EML4: variants seen among roughly 807,000 people sequenced by gnomAD.
EML4 encodes the protein echinoderm microtubule-associated protein-like 4.
In EML4, 72 loss-of-function variants were observed where a neutral mutation model predicts 129.0. That is an observed-to-expected ratio of 0.56 (90% CI 0.46 to 0.68). EML4 has a LOEUF of 0.68. Ranked by LOEUF, EML4 falls within the 30% of genes least tolerant of loss-of-function variation. The pLI is 0.00. For synonymous variants in EML4, 532 were observed against 405.0 expected (o/e 1.31, Z -3.77); for missense variants, 1,363 against 1,190.6 (o/e 1.14, Z -2.13).
chr2:42,244,948 A>T (rs763280583), intron 1 of EML4, among the ~76,000 whole-genome samples: 1 of 152,058 alleles, frequency 6.6e-6, no homozygotes, highest in Admixed American at 6.6e-5. Context: ...GGGAAATTTG[A>T]CCGTGGGGAC....
intron 2 of EML4, among the ~76,000 whole-genome samples, chr2:42,249,721 C>T (rs546513764): frequency 9.9e-5 from 15 of 152,102 alleles, no homozygotes; most frequent in Non-Finnish European, 2.2e-4. Flanking sequence ...CTGCAGTGTG[C>T]CAGCAGTATT....
In EML4 at chr2:42,303,416, A is replaced by G. The variant is rs772329550; in HGVS notation, c.1869A>G (p.Glu623=). The G allele has an allele frequency of 9.9e-6, 16 of 1,614,120 alleles. No individual in the cohort carries two copies. The highest frequency in any genetic ancestry group is 1.4e-5 in the Non-Finnish European group (16 of 1,180,014). Reference sequence around the variant, plus strand: ...AGGTGTGCCTGTGGAACTCAATGGAACACAGGCTGGAATGGACCAGGCTGG... The same window carrying G: ...AGGTGTGCCTGTGGAACTCAATGGAGCACAGGCTGGAATGGACCAGGCTGG... ...DRQVCLWNSM[E]HRLEWTRLVD... The change falls in exon 16 of 23, where the codon GAA becomes GAG. Residue 623 remains glutamate, a synonymous_variant. Coordinates refer to ENST00000318522, the MANE Select transcript of EML4 (RefSeq NM_019063.5).
chr2:42,204,486 C>G (rs1456516841), intron 1 of EML4, among the ~76,000 whole-genome samples: 2 of 152,116 alleles, frequency 1.3e-5, no homozygotes, highest in Non-Finnish European at 2.9e-5. Context: ...TGTAAAATAG[C>G]CATTGACAGT....
At chr2:42,245,708 A>G (rs1455317144) in intron 2 of EML4, 21 bp downstream of exon 2, 1 of 1,555,222 alleles carries the variant, frequency 6.4e-7, no homozygotes, top group Admixed American at 2.1e-5. Context: ...TGTAAAGTTA[A>G]AAAGAGTCTT....
intron 1 of EML4, among the ~76,000 whole-genome samples, chr2:42,202,328 G>T (rs1558497731): frequency 6.6e-6 from 1 of 152,070 alleles, no homozygotes; most frequent in African/African-American, 2.4e-5. Context: ...ATTGCTTGTG[G>T]CCAGTAGTTC....
chr2:42,304,712 T>A (rs1668495264), intron 17 of EML4, among the ~76,000 whole-genome samples, 161 bp downstream of exon 17: 1 of 152,264 alleles, frequency 6.6e-6, no homozygotes, highest in African/African-American at 2.4e-5. Flanking sequence ...CAATTATTTA[T>A]TGAGCACCTG....
At chr2:42,220,008 C>T (rs1225699144) in intron 1 of EML4, among the ~76,000 whole-genome samples, 1 of 151,332 alleles carries the variant, frequency 6.6e-6, no homozygotes, top group East Asian at 1.9e-4. Context: ...TAAGGGGTGG[C>T]AGTTTGGGTA....
chr2:42,175,375 A>G (rs1027930019), intron 1 of EML4, among the ~76,000 whole-genome samples: 1 of 147,050 alleles, frequency 6.8e-6, no homozygotes, highest in Non-Finnish European at 1.5e-5. Context: ...GGCCTTCCAA[A>G]GTGCTGGCAT....
rs559275864 is a variant in EML4, at chr2:42,214,725, C to T, written c.26-30780C>T. 5.3e-5 allele frequency among the ~76,000 whole-genome samples: 8 copies of T among 151,982 alleles called. No individual in the cohort carries two copies. In the East Asian group the frequency reaches 1.4e-3, roughly 26 times the overall value. ...CCTTTTGCATGTCTGGTGCGTTAGC[C>T]GGGATGGCTGGAAGGCTAGGCTTAG... is the stretch of plus-strand genomic sequence containing the variant. On this transcript the variant is annotated intron_variant, in intron 1 of 22. Coordinates refer to ENST00000318522, the MANE Select transcript of EML4 (RefSeq NM_019063.5).
At chr2:42,259,399 T>G (rs1227281091) in intron 3 of EML4, among the ~76,000 whole-genome samples, 1 of 152,158 alleles carries the variant, frequency 6.6e-6, no homozygotes, top group African/African-American at 2.4e-5. Context: ...TCCAGTCTGG[T>G]TAGGAATAGC....
intron 1 of EML4, among the ~76,000 whole-genome samples, chr2:42,232,509 A>G (rs374077794): frequency 7.0e-4 from 106 of 152,326 alleles, no homozygotes; most frequent in African/African-American, 1.1e-3. Flanking sequence ...TCACCAGTCA[A>G]TAGCAAGAAT....
intron 1 of EML4, among the ~76,000 whole-genome samples, chr2:42,242,988 G>A (rs1007657977): frequency 2.0e-5 from 3 of 151,980 alleles, no homozygotes; most frequent in Non-Finnish European, 4.4e-5. Context: ...ACGTTGCCCA[G>A]GCTGGTCTCG....
chr2:42,200,717 G>A (rs1010033141), intron 1 of EML4, among the ~76,000 whole-genome samples: 2 of 152,180 alleles, frequency 1.3e-5, no homozygotes, highest in Admixed American at 1.3e-4. Flanking sequence ...TTCATATCTA[G>A]AGGAATGTTT....
chr2:42,203,450 A>G (rs1672353231), intron 1 of EML4, among the ~76,000 whole-genome samples: 1 of 152,328 alleles, frequency 6.6e-6, no homozygotes, highest in African/African-American at 2.4e-5. Context: ...TAAGCAAAGT[A>G]TATTGACATA....
intron 2 of EML4, among the ~76,000 whole-genome samples, chr2:42,256,242 AT>A (rs1202146543): frequency 6.6e-6 from 1 of 152,186 alleles, no homozygotes; most frequent in East Asian, 1.9e-4. Context: ...AAAGCAAACC[AT>A]TTAGCTAAGA....
At chr2:42,272,034 C>T (rs913685827) in intron 6 of EML4, among the ~76,000 whole-genome samples, 5 of 139,484 alleles carry the variant, frequency 3.6e-5, no homozygotes, top group South Asian at 2.4e-4. Context: ...ACCCGGGAGG[C>T]GGAGTTTGCA....
In EML4 at chr2:42,263,316, G is replaced by A. The variant is rs73933519; in HGVS notation, c.641+10G>A. 1.3e-3 allele frequency: 2,092 copies of A among 1,587,192 alleles called. 37 individuals carry two copies. In the African/African-American group the frequency reaches 0.025, roughly 19 times the overall value. On this transcript the variant is annotated intron_variant, in intron 5 of 22. Transcript: ENST00000318522. ...CCAAAACTGCAGACAAGTAAGTATT[G>A]CACTTTCTTCATTATATCTGAAAAG...
chr2:42,296,457 A>G (rs556934259), intron 13 of EML4, among the ~76,000 whole-genome samples: 5 of 149,128 alleles, frequency 3.4e-5, no homozygotes, highest in Non-Finnish European at 7.5e-5. Flanking sequence ...CCCTAAACAC[A>G]CTGGAACAAC....
rs189467237 is a variant in EML4, at chr2:42,319,286, C to A, written c.2154+1762C>A. On this transcript the variant is annotated intron_variant, in intron 19 of 22. Coordinates refer to ENST00000318522, the MANE Select transcript of EML4 (RefSeq NM_019063.5). ...TGTCTTATTTTACTGTACAACTGAT[C>A]CAGAAGAGAGAGCAATGTGTGACAT... 1.5e-4 allele frequency among the ~76,000 whole-genome samples: 23 copies of A among 152,176 alleles called. No individual in the cohort carries two copies. In the East Asian group the frequency reaches 1.7e-3, roughly 11 times the overall value.
Sources: gnomAD v4.1 joint callset for allele counts (sites outside exome capture counted in the v4.1 genomes callset) on GRCh38, gnomAD v4.1.1 for gene constraint, MANE v1.5 for transcripts, NCBI Gene and HGNC (gene_info 2026-07-23, HGNC 2026-07-21) for gene names.